The following SLC12A1 variants were observed in gnomAD, a reference collection of about 807,000 sequenced individuals.
SLC12A1 encodes the protein Na-K-2Cl cotransporter.
Under a neutral mutation model 130.4 loss-of-function variants are expected in SLC12A1, and 89 were observed. That is an observed-to-expected ratio of 0.68 (90% CI 0.58 to 0.81). The LOEUF is 0.81. Ranked by LOEUF, SLC12A1 falls within the 40% of genes least tolerant of loss-of-function variation. SLC12A1 has a pLI of 0.00. For missense variants in SLC12A1, 1,310 were observed against 1,336.4 expected (o/e 0.98, Z 0.31); for synonymous variants, 499 against 460.0 (o/e 1.08, Z -1.09).
chr15:48,242,586 T>C (rs2041529164), intron 10 of SLC12A1, among the ~76,000 whole-genome samples: 1 of 152,138 alleles, frequency 6.6e-6, no homozygotes, highest in African/African-American at 2.4e-5. Context: ...GAGGATTGCT[T>C]AAGCCCAGGA....
intron 9 of SLC12A1, chr15:48,237,027 C>T: frequency 1.4e-6 from 1 of 702,666 alleles, no homozygotes; most frequent in South Asian, 1.5e-5. Context: ...CCTCAAGGAG[C>T]TCAGAGTCGA....
intron 19 of SLC12A1, among the ~76,000 whole-genome samples, chr15:48,270,603 A>G (rs1338230950): frequency 2.1e-5 from 3 of 144,002 alleles, no homozygotes; most frequent in Non-Finnish European, 4.5e-5. Flanking sequence ...AGTATTATAT[A>G]TTTTATACTA....
chr15:48,285,240 C>T lies in SLC12A1; in HGVS notation c.2620C>T (p.Pro874Ser), dbSNP rs771419056. The change falls in exon 21 of 27, where the codon CCT (proline) becomes TCT (serine). Residue 874 changes from proline (P) to serine (S), a missense_variant. Coordinates refer to ENST00000380993, the MANE Select transcript of SLC12A1 (RefSeq NM_000338.3). ...CAAGTTGAACATTACTAAGACAACG[C>T]CTAAAAAAGGTAAGAACTTTTTAAA... ...AGKLNITKTTPKKDGSINTSQ... is the reference protein window; with the variant it reads ...AGKLNITKTTSKKDGSINTSQ... The T allele has an allele frequency of 1.9e-6, 3 of 1,613,378 alleles. No homozygotes were observed. The highest frequency in any genetic ancestry group is 2.5e-6 in the Non-Finnish European group (3 of 1,179,670).
intron 7 of SLC12A1, among the ~76,000 whole-genome samples, chr15:48,231,996 G>T (rs1023563137): frequency 6.6e-6 from 1 of 152,160 alleles, no homozygotes; most frequent in African/African-American, 2.4e-5. Flanking sequence ...GGGCGACAGA[G>T]TGAGACTCCA....
At chr15:48,298,909 C>A (rs899786101) in intron 24 of SLC12A1, among the ~76,000 whole-genome samples, 1 of 152,178 alleles carries the variant, frequency 6.6e-6, no homozygotes, top group African/African-American at 2.4e-5. Context: ...AGATCTAATA[C>A]CTAATAGGCT....
intron 13 of SLC12A1, among the ~76,000 whole-genome samples, chr15:48,247,802 G>C (rs2041600470): frequency 1.3e-5 from 2 of 152,170 alleles, no homozygotes; most frequent in South Asian, 4.1e-4. Flanking sequence ...TGAATTGCCT[G>C]TTAGTGTTTC....
intron 26 of SLC12A1, 121 bp downstream of exon 26, chr15:48,301,503 G>GCGGA: frequency 9.0e-6 from 4 of 442,782 alleles, no homozygotes; most frequent in Admixed American, 4.4e-5. Flanking sequence ...TGTTTTTTTT[G>GCGGA]GGGGGGGGAA....
At chr15:48,247,155 C>A in intron 12 of SLC12A1, 139 bp downstream of exon 12, 1 of 953,126 alleles carries the variant, frequency 1.0e-6, no homozygotes, top group Non-Finnish European at 1.6e-6. Context: ...GGCTCAAGTT[C>A]TATGTCTGCC....
At chr15:48,261,366 T>C (rs2041773380) in intron 17 of SLC12A1, among the ~76,000 whole-genome samples, 1 of 152,210 alleles carries the variant, frequency 6.6e-6, no homozygotes, top group African/African-American at 2.4e-5. Flanking sequence ...ATCATTTCAT[T>C]TGAAGTAGGC....
At chr15:48,260,262 A>C (rs1316934797) in intron 17 of SLC12A1, among the ~76,000 whole-genome samples, 4 of 130,922 alleles carry the variant, frequency 3.1e-5, no homozygotes, top group Non-Finnish European at 6.0e-5. Flanking sequence ...AAGACTCCAT[A>C]ATAATAATAA....
intron 24 of SLC12A1, among the ~76,000 whole-genome samples, chr15:48,298,119 G>A (rs549680133): frequency 1.3e-5 from 2 of 152,298 alleles, no homozygotes; most frequent in African/African-American, 4.8e-5. Context: ...AATCAGGCCA[G>A]TTGGTGAGAT....
At chr15:48,247,237 T>A in intron 12 of SLC12A1, 100 bp from the exon 13 acceptor site, 1 of 1,235,456 alleles carries the variant, frequency 8.1e-7, no homozygotes, top group South Asian at 1.4e-5. Context: ...TCATCTTGTG[T>A]ATCACTTAAT....
intron 16 of SLC12A1, 35 bp from the exon 17 acceptor site, chr15:48,259,165 A>G (rs761522436): frequency 1.7e-4 from 230 of 1,363,344 alleles, no homozygotes; most frequent in Non-Finnish European, 2.1e-4. Context: ...GGCTTCTTGC[A>G]GGGGCTCATT....
chr15:48,281,069 A>C (rs893977129), intron 20 of SLC12A1, among the ~76,000 whole-genome samples: 1 of 152,218 alleles, frequency 6.6e-6, no homozygotes, highest in Non-Finnish European at 1.5e-5. Context: ...GGGAGGGATA[A>C]CATGAGGTCC....
intron 16 of SLC12A1, 114 bp from the exon 17 acceptor site, chr15:48,259,085 AG>A: frequency 1.5e-6 from 1 of 656,614 alleles, no homozygotes; most frequent in Non-Finnish European, 2.7e-6. Context: ...AAAAATAGAT[AG>A]GGGAGAGGTT....
chr15:48,240,126 T>TAA (rs2041499450), intron 9 of SLC12A1, among the ~76,000 whole-genome samples: 1 of 143,912 alleles, frequency 6.9e-6, no homozygotes, highest in African/African-American at 2.6e-5. Flanking sequence ...TATATATATA[T>TAA]AATATGCATA....
chr15:48,240,261 G>A (rs139504008), intron 9 of SLC12A1, among the ~76,000 whole-genome samples: 16 of 151,864 alleles, frequency 1.1e-4, no homozygotes, highest in African/African-American at 3.9e-4. Flanking sequence ...AGGGGATTCA[G>A]TAGGCCCCAT....
intron 24 of SLC12A1, among the ~76,000 whole-genome samples, chr15:48,298,232 T>C (rs2042198080): frequency 6.6e-6 from 1 of 152,212 alleles, no homozygotes; most frequent in Non-Finnish European, 1.5e-5. Context: ...AGCTACATTA[T>C]ATAAAACCAA....
chr15:48,241,151 G>A (rs1487194591), intron 9 of SLC12A1, among the ~76,000 whole-genome samples: 2 of 152,166 alleles, frequency 1.3e-5, no homozygotes, highest in Non-Finnish European at 2.9e-5. Flanking sequence ...AGATATGTTT[G>A]TATATTTTCC....
Sources: gnomAD v4.1 joint callset for allele counts (sites outside exome capture counted in the v4.1 genomes callset) on GRCh38, gnomAD v4.1.1 for gene constraint, MANE v1.5 for transcripts, NCBI Gene and HGNC (gene_info 2026-07-23, HGNC 2026-07-21) for gene names.